SPTBN4: variants seen among roughly 807,000 people sequenced by gnomAD.
The protein encoded by SPTBN4 is spectrin beta chain, non-erythrocytic 4.
A neutral mutation model predicts 277.8 loss-of-function variants in SPTBN4; 96 were observed. The ratio of observed to expected loss-of-function variants is 0.35; its 90% CI spans 0.29 to 0.41. The LOEUF (loss-of-function observed/expected upper bound fraction) is 0.41. Ranked by LOEUF, SPTBN4 falls within the 10% of genes least tolerant of loss-of-function variation. The probability of loss-of-function intolerance (pLI) is 1.00; values close to 1 mark genes in which losing one functional copy is unlikely to be tolerated. For missense variants in SPTBN4, 3,006 were observed against 3,595.7 expected (o/e 0.84, Z 4.19); for synonymous variants, 1,481 against 1,580.3 (o/e 0.94, Z 1.49).
chr19:40,531,484 T>G (rs1314830676), intron 18 of SPTBN4, among the ~76,000 whole-genome samples: 5 of 123,852 alleles, frequency 4.0e-5, no homozygotes, highest in East Asian at 2.2e-4. Context: ...TTTTTTTTTT[T>G]TTTTTTTTTT....
intron 7 of SPTBN4, among the ~76,000 whole-genome samples, chr19:40,501,116 T>C (rs1414153695): frequency 1.3e-5 from 2 of 152,098 alleles, no homozygotes; most frequent in African/African-American, 4.8e-5. Context: ...TTCACACCTT[T>C]AGTTCTGACT....
At position 40,502,109 on chromosome 19, in the gene SPTBN4, C is replaced by T. The variant is rs527438323; in HGVS notation, c.898-19C>T. On this transcript the variant is annotated intron_variant, in intron 8 of 35. Coordinates refer to ENST00000598249, the MANE Select transcript of SPTBN4 (RefSeq NM_020971.3). The surrounding 1 kb of genome is among the most constrained non-coding windows in gnomAD (Gnocchi z 4.9). ...GCACGGGTGGGATGAGGCTGACCCC[C>T]CTTCCTCTGCTGTGTCAGGTCTTGG... The T allele has an allele frequency of 3.7e-6, 6 of 1,613,242 alleles. No homozygotes were observed. The highest frequency in any genetic ancestry group is 1.1e-5 in the South Asian group (1 of 91,056).
chr19:40,539,125 C>G (rs746352255), intron 20 of SPTBN4, among the ~76,000 whole-genome samples: 66 of 152,352 alleles, frequency 4.3e-4, no homozygotes, highest in Non-Finnish European at 2.4e-4. Flanking sequence ...GCGTGAGCCA[C>G]TGCCCCAGCC....
At chr19:40,497,072 C>CAAAA (rs35856852) in intron 6 of SPTBN4, among the ~76,000 whole-genome samples, 5 of 59,606 alleles carry the variant, frequency 8.4e-5, no homozygotes, top group African/African-American at 1.3e-4. Context: ...GACTCCATCT[C>CAAAA]AAAAAAAAAA....
chr19:40,472,860 G>C (rs2145798487), intron 2 of SPTBN4, 70 bp downstream of exon 2: 1 of 1,438,910 alleles, frequency 6.9e-7, no homozygotes, highest in East Asian at 2.5e-5. Context: ...GAACCTTGGT[G>C]GCTGGGAGGG....
Position 40,557,050 on chromosome 19 carries a change from G to A in SPTBN4, c.5317G>A (p.Ala1773Thr). The change falls in exon 26 of 36, where the codon GCC becomes ACC. Residue 1773 changes from alanine to threonine, a missense_variant. Coordinates refer to ENST00000598249, the MANE Select transcript of SPTBN4 (RefSeq NM_020971.3). The part of the protein sequence containing the change: ...SVLQEKFSEF[A>T]SETGMAGRER... ...GCTGCAGGAGAAATTCTCAGAGTTTGCCAGCGAGACAGGTATGGCAGGGCG... is the reference window on the plus strand; with the variant it reads ...GCTGCAGGAGAAATTCTCAGAGTTTACCAGCGAGACAGGTATGGCAGGGCG... 6.7e-7 allele frequency: 1 copy of A among 1,502,522 alleles called. No individual in the cohort carries two copies. The highest frequency in any genetic ancestry group is 9.0e-7 in the Non-Finnish European group (1 of 1,111,368). The allele number at this position is 1,502,522 out of a possible 1,614,324, so 93.1% of individuals were successfully genotyped here.
chr19:40,503,726 A>T, intron 11 of SPTBN4, 104 bp from the exon 12 acceptor site: 1 of 1,255,426 alleles, frequency 8.0e-7, no homozygotes, highest in East Asian at 2.5e-5. Context: ...GGGCAGGGCC[A>T]GTCTCCAAGG....
chr19:40,553,576 G>T (rs2080942244), intron 22 of SPTBN4, among the ~76,000 whole-genome samples: 1 of 152,122 alleles, frequency 6.6e-6, no homozygotes, highest in Non-Finnish European at 1.5e-5. Context: ...CTCACAAAAA[G>T]TTAAATAAGG....
At position 40,557,036 on chromosome 19, in the gene SPTBN4, A is replaced by C; in HGVS notation, c.5303A>C (p.Lys1768Thr). The C allele has an allele frequency of 1.4e-6, 2 of 1,394,660 alleles. No homozygotes were observed. Among genetic ancestry groups the C allele is most frequent in the Non-Finnish European group, 1.9e-6 (2 of 1,042,474 alleles). The allele number at this position is 1,394,660 out of a possible 1,614,324, so 86.4% of individuals were successfully genotyped here. The part of the protein sequence containing the change: ...DFEHVSVLQE[K>T]FSEFASETGM... ...TCCTGATGGCAGGTGCTGCAGGAGAAATTCTCAGAGTTTGCCAGCGAGACA... is the reference window on the plus strand; with the variant it reads ...TCCTGATGGCAGGTGCTGCAGGAGACATTCTCAGAGTTTGCCAGCGAGACA... The change falls in exon 26 of 36, where the codon AAA (lysine) becomes ACA (threonine). Residue 1768 changes from lysine (K) to threonine (T), a missense_variant. Transcript: ENST00000598249.
intron 7 of SPTBN4, among the ~76,000 whole-genome samples, chr19:40,498,373 T>TTTAATTTATTTA (rs200114116): frequency 7.1e-6 from 1 of 141,130 alleles, no homozygotes. Context: ...TTTTATTTTA[T>TTTAATTTATTTA]TTTATTTATT....
chr19:40,524,205 C>T (rs2080562661), intron 17 of SPTBN4, among the ~76,000 whole-genome samples: 1 of 151,998 alleles, frequency 6.6e-6, no homozygotes, highest in African/African-American at 2.4e-5. Context: ...GATAGCTGGT[C>T]CTGTTGTTAA....
At chr19:40,469,327 C>G (rs565808535) in intron 1 of SPTBN4, among the ~76,000 whole-genome samples, 1 of 152,106 alleles carries the variant, frequency 6.6e-6, no homozygotes, top group African/African-American at 2.4e-5. Context: ...TTTAGTGGCA[C>G]AATCTCGGCT....
At position 40,497,615 on chromosome 19, in the gene SPTBN4, C is replaced by T. The variant is rs755825715; in HGVS notation, c.784+11C>T. 4.2e-5 allele frequency: 68 copies of T among 1,610,572 alleles called. No individual in the cohort carries two copies. In the East Asian group the frequency reaches 4.2e-4, roughly 10 times the overall value. On this transcript the variant is annotated intron_variant, in intron 7 of 35. Coordinates refer to ENST00000598249, the MANE Select transcript of SPTBN4 (RefSeq NM_020971.3). ...TGCTGGATCCTGAAGGTGAGCCTCT[C>T]GCGGGCCCAGCCCAGACTTCGTCTT...
At chr19:40,523,784 T>A in intron 17 of SPTBN4, 145 bp downstream of exon 17, 1 of 812,258 alleles carries the variant, frequency 1.2e-6, no homozygotes, top group Non-Finnish European at 1.9e-6. Flanking sequence ...TTTAATTCCA[T>A]GTTGTCTTAG....
rs748304069 is a variant in SPTBN4, at chr19:40,532,723, C to T, written c.4047C>T (p.Phe1349=). The change falls in exon 19 of 36, where the codon TTC becomes TTT. Residue 1349 remains phenylalanine (F), a synonymous_variant. Transcript: ENST00000598249. ...LHKRWLRHQA[F]MAELAQNKEW... is the part of the protein sequence containing the mutation. Reference sequence around the variant, plus strand: ...AGAGATGGCTCCGGCACCAGGCATTCATGGCCGAGCTGGCTCAGAATAAGG... The same window carrying T: ...AGAGATGGCTCCGGCACCAGGCATTTATGGCCGAGCTGGCTCAGAATAAGG... 17 of 1,613,374 alleles carry T rather than the reference C, an allele frequency of 1.1e-5. No homozygotes were observed. The highest frequency in any genetic ancestry group is 1.4e-5 in the Non-Finnish European group (17 of 1,179,626).
At position 40,502,759 on chromosome 19, in the gene SPTBN4, C is replaced by G; in HGVS notation, c.1204-16C>G. On this transcript the variant is annotated splice_polypyrimidine_tract_variant and intron_variant, in intron 10 of 35. Transcript: ENST00000598249. The surrounding 1 kb of genome is among the most constrained non-coding windows in gnomAD (Gnocchi z 4.9). The stretch of plus-strand genomic sequence containing the variant: ...GGAGCTGTCAGAGTCTGAGTGCCTC[C>G]TCCCATCTCCTGCAGGCATGGGGTG... 6.2e-7 allele frequency: 1 copy of G among 1,612,308 alleles called. No individual in the cohort carries two copies. The highest frequency in any genetic ancestry group is 1.1e-5 in the South Asian group (1 of 90,830).
chr19:40,472,833 G>T, intron 2 of SPTBN4, 43 bp downstream of exon 2: 2 of 1,473,870 alleles, frequency 1.4e-6, no homozygotes, highest in South Asian at 1.3e-5. Flanking sequence ...GGAGGGGGAA[G>T]GGGGAAGGGT....
At chr19:40,517,205 A>ATG (rs2080470360) in intron 15 of SPTBN4, among the ~76,000 whole-genome samples, 2 of 152,142 alleles carry the variant, frequency 1.3e-5, no homozygotes, top group Admixed American at 1.3e-4. Context: ...AGAGGCGAAG[A>ATG]TGGAGGCCCA....
chr19:40,499,441 G>A (rs2080239307), intron 7 of SPTBN4, among the ~76,000 whole-genome samples: 1 of 151,990 alleles, frequency 6.6e-6, no homozygotes, highest in African/African-American at 2.4e-5. Context: ...CCAGGCTGGA[G>A]TGCAGTGGCA....
Sources: allele counts gnomAD v4.1 joint callset (sites outside exome capture counted in the v4.1 genomes callset), GRCh38; gene constraint gnomAD v4.1.1; non-coding constraint Gnocchi (gnomAD v3.1); transcripts MANE v1.5; gene names NCBI Gene and HGNC (gene_info 2026-07-23, HGNC 2026-07-21).